Variants in BCAR1 observed in about 807,000 individuals in gnomAD.
BCAR1 encodes the protein BCAR1 scaffold protein, Cas family member.
A neutral mutation model predicts 67.6 loss-of-function variants in BCAR1; 30 were observed. The observed-to-expected ratio is 0.44, with a 90% CI of 0.33 to 0.60. The LOEUF is 0.60. BCAR1 is among the 20% of genes least tolerant of loss of function. The probability of loss-of-function intolerance (pLI) is 0.02; values close to 1 mark genes in which losing one functional copy is unlikely to be tolerated. For missense variants in BCAR1, 1,313 were observed against 1,222.3 expected, an observed-to-expected ratio of 1.07 and a Z score of -1.11; for synonymous variants, 626 against 556.7, an observed-to-expected ratio of 1.12 and a Z score of -1.75.
chr16:75,247,675 GA>G (rs918659053), intron 1 of BCAR1: 3 of 204,356 alleles, frequency 1.5e-5, no homozygotes, highest in African/African-American at 6.9e-5. Flanking sequence ...CTGGTTGCCT[GA>G]AGGGACAACC....
rs2077179841 is a variant in BCAR1, at chr16:75,237,348, G to C, written c.634-4C>G. ...CCACGCGGGTGGGCACCACCACCTG[G>C]GGGCAGAGAGCCGACTTCACTGCTG... is the stretch of plus-strand genomic sequence containing the variant. On this transcript the variant is annotated splice_polypyrimidine_tract_variant and splice_region_variant and intron_variant, in intron 2 of 6. Coordinates refer to ENST00000162330, the MANE Select transcript of BCAR1 (RefSeq NM_014567.5). 6.9e-7 allele frequency: 1 copy of C among 1,457,100 alleles called. No homozygotes were observed. Among genetic ancestry groups the C allele is most frequent in the Non-Finnish European group, 9.0e-7 (1 of 1,106,310 alleles). The allele number at this position is 1,457,100 out of a possible 1,614,324, so 90.3% of individuals were successfully genotyped here.
intron 2 of BCAR1, among the ~76,000 whole-genome samples, chr16:75,240,312 G>C (rs1597213819): frequency 2.0e-5 from 3 of 152,170 alleles, no homozygotes; most frequent in Non-Finnish European, 4.4e-5. Flanking sequence ...CTGAGGCTTG[G>C]AGGGGAGCAC....
At chr16:75,263,870 C>CTT in intron 1 of BCAR1, 1 of 1,007,256 alleles carries the variant, frequency 9.9e-7, no homozygotes, top group Non-Finnish European at 1.2e-6. Flanking sequence ...TTTCCGAACA[C>CTT]TTCAAGACTG....
chr16:75,253,175 C>A (rs1239432212), upstream of BCAR1, among the ~76,000 whole-genome samples: 1 of 152,120 alleles, frequency 6.6e-6, no homozygotes, highest in African/African-American at 2.4e-5. Flanking sequence ...TCTCCTCCTG[C>A]TTGTTCCCAA....
At chr16:75,264,417 G>A (rs2077962979) in intron 1 of BCAR1, 2 of 1,530,800 alleles carry the variant, frequency 1.3e-6, no homozygotes, top group Non-Finnish European at 8.7e-7. Context: ...AGCAGGGCTG[G>A]CCAGTCCCCT....
rs1016875528 is a variant in BCAR1 at position 75,239,161 on chromosome 16, G to T, written c.634-1817C>A. The stretch of plus-strand genomic sequence containing the variant: ...CACCAGGGGGAAAAGCTCTTTAGGG[G>T]AATGACTCAGCCCCACTGCTAATCA... On this transcript the variant is annotated intron_variant, in intron 2 of 6. Coordinates refer to ENST00000162330, the MANE Select transcript of BCAR1 (RefSeq NM_014567.5). 6 of 960,474 alleles carry T rather than the reference G, an allele frequency of 6.2e-6. No individual in the cohort carries two copies. The African/African-American group carries it at 8.8e-5, about 14-fold the overall frequency. 59.5% of individuals were successfully genotyped at this position (960,474 alleles called of 1,614,324 possible).
rs770728069 is a variant in BCAR1 at position 75,251,529 on chromosome 16, G to C, written c.-47C>G. On this transcript the variant is annotated 5_prime_UTR_variant, in exon 1 of 7. Coordinates refer to ENST00000162330, the MANE Select transcript of BCAR1 (RefSeq NM_014567.5). ...CCCGGCTCTCGCGGGGGCGCACACCGAGCTGCCCGGGCCGCGTGCCCTCGG... is the reference window on the plus strand; with the variant it reads ...CCCGGCTCTCGCGGGGGCGCACACCCAGCTGCCCGGGCCGCGTGCCCTCGG... 30 of 1,243,212 alleles carry C rather than the reference G, an allele frequency of 2.4e-5. No individual in the cohort carries two copies. In the South Asian group the frequency reaches 4.7e-4, roughly 19 times the overall value. The allele number at this position is 1,243,212 out of a possible 1,614,324, so 77.0% of individuals were successfully genotyped here.
At chr16:75,249,606 G>T (rs925048153) in intron 1 of BCAR1, 2 of 152,290 alleles carry the variant, frequency 1.3e-5, no homozygotes, top group East Asian at 3.8e-4. Flanking sequence ...CCCCCCTGGA[G>T]CGCACCTCCC....
Position 75,243,064 on chromosome 16 carries a change from G to C in BCAR1, c.39C>G (p.Asp13Glu). Reference sequence around the variant, plus strand: ...GCTCATCCGGGGACTCGGCCACATTGTCATAGAGCGCTTTGGCCAGCACGT... The same window carrying C: ...GCTCATCCGGGGACTCGGCCACATTCTCATAGAGCGCTTTGGCCAGCACGT... ...HLNVLAKALYDNVAESPDELS... is the reference protein window; with the variant it reads ...HLNVLAKALYENVAESPDELS... The change falls in exon 2 of 7, where the codon GAC becomes GAG. Residue 13 changes from aspartate (D) to glutamate (E), a missense_variant. Physicochemically the swap from Asp to Glu is conservative, Grantham distance 45. Transcript: ENST00000162330. 1 of 1,601,858 alleles carries C rather than the reference G, an allele frequency of 6.2e-7. No homozygotes were observed. The highest frequency in any genetic ancestry group is 8.5e-7 in the Non-Finnish European group (1 of 1,171,452).
intron 1 of BCAR1, chr16:75,247,822 G>A (rs1567614359): frequency 1.8e-6 from 1 of 566,670 alleles, no homozygotes; most frequent in Non-Finnish European, 3.2e-6. Flanking sequence ...TATGACCTCA[G>A]CACCCGCAAG....
At chr16:75,234,052 C>T in intron 5 of BCAR1, 117 bp from the exon 6 acceptor site, 1 of 851,904 alleles carries the variant, frequency 1.2e-6, no homozygotes, top group Admixed American at 2.1e-5. Flanking sequence ...CGTGTGCGCG[C>T]ACACACACGC....
chr16:75,257,335 G>A (rs1274953810), intron 1 of BCAR1, among the ~76,000 whole-genome samples: 2 of 152,234 alleles, frequency 1.3e-5, no homozygotes, highest in Non-Finnish European at 2.9e-5. Flanking sequence ...CGGCCACTCT[G>A]CTGGGGTCAG....
rs1018278285 is a variant in BCAR1 at position 75,264,425 on chromosome 16, CCT to C, written c.66+3488_66+3489del. On this transcript the variant is annotated intron_variant, in intron 1 of 6. Transcript: ENST00000393422. ...CCACAGGAGCAGGGCTGGCCAGTCC[CCT>C]GAGGCCCTGGGCCAGAGAAGTCCAG... 4 of 1,527,038 alleles carry C rather than the reference CCT, an allele frequency of 2.6e-6. No individual in the cohort carries two copies. The African/African-American group carries it at 4.1e-5, about 16-fold the overall frequency. The allele number at this position is 1,527,038 out of a possible 1,614,324, so 94.6% of individuals were successfully genotyped here.
At position 75,228,806 on chromosome 16, in the gene BCAR1, C is replaced by T. The variant is rs1389880808; in HGVS notation, c.*705G>A. ...CTGCAGCTCTGAAACTGCCCCCTTTCTTGGGCCCAGGCTCTGCCCTGGCTC... is the reference window on the plus strand; with the variant it reads ...CTGCAGCTCTGAAACTGCCCCCTTTTTTGGGCCCAGGCTCTGCCCTGGCTC... On this transcript the variant is annotated 3_prime_UTR_variant, in exon 7 of 7. Coordinates refer to ENST00000162330, the MANE Select transcript of BCAR1 (RefSeq NM_014567.5). The T allele has an allele frequency of 4.6e-5, 7 of 152,444 alleles. No individual in the cohort carries two copies. The highest frequency in any genetic ancestry group is 1.7e-4 in the African/African-American group (7 of 41,598). 9.4% of individuals were successfully genotyped at this position (152,444 alleles called of 1,614,324 possible).
chr16:75,257,949 G>C (rs953523126), intron 1 of BCAR1, among the ~76,000 whole-genome samples: 2 of 152,250 alleles, frequency 1.3e-5, no homozygotes, highest in East Asian at 1.9e-4. Context: ...CCTTCAGCCA[G>C]TCACTGTACT....
chr16:75,251,756 A>C (rs1357453183), upstream of BCAR1: 2 of 886,838 alleles, frequency 2.3e-6, no homozygotes, highest in East Asian at 2.3e-4. Flanking sequence ...GCGCGCAGAC[A>C]GAAGCCCGCC....
intron 1 of BCAR1, 112 bp downstream of exon 1, chr16:75,251,359 C>A: frequency 7.2e-7 from 1 of 1,388,060 alleles, no homozygotes; most frequent in Admixed American, 2.7e-5. Context: ...GGACCCCGGC[C>A]GGCGGTTCCC....
Position 75,247,916 on chromosome 16 carries a change from A to G in BCAR1, c.12+3555T>C, listed in dbSNP as rs141589939. The G allele has an allele frequency of 1.0e-3, 751 of 733,054 alleles. 6 individuals carry two copies. Among genetic ancestry groups the G allele is most frequent in the African/African-American group, 9.2e-3 (527 of 57,408 alleles). The allele number at this position is 733,054 out of a possible 1,614,324, so 45.4% of individuals were successfully genotyped here. The stretch of plus-strand genomic sequence containing the variant: ...CCCAGGGTTGGGGGCAGACAAGGAA[A>G]TGGGTAATAGTGCCACACTTGTCAC... On this transcript the variant is annotated intron_variant, in intron 1 of 6. Coordinates refer to ENST00000162330, the MANE Select transcript of BCAR1 (RefSeq NM_014567.5).
intron 1 of BCAR1, among the ~76,000 whole-genome samples, chr16:75,244,618 G>A (rs972865038): frequency 6.6e-6 from 1 of 152,232 alleles, no homozygotes; most frequent in African/African-American, 2.4e-5. Flanking sequence ...GACATCATCA[G>A]CAGGGAGCCC....
Sources: gnomAD v4.1 joint callset for allele counts (sites outside exome capture counted in the v4.1 genomes callset) on GRCh38, gnomAD v4.1.1 for gene constraint, MANE v1.5 for transcripts, NCBI Gene and HGNC (gene_info 2026-07-23, HGNC 2026-07-21) for gene names.